The following ST18 variants were observed in gnomAD, a reference collection of about 807,000 sequenced individuals.
ST18 encodes the protein ST18 C2H2C-type zinc finger transcription factor, also known as suppression of tumorigenicity 18 protein.
ST18 carries 50 observed loss-of-function variants against 110.0 expected under a neutral mutation model. The observed-to-expected ratio is 0.45, with a 90% confidence interval of 0.36 to 0.58. The LOEUF is 0.58. Ranked by LOEUF, ST18 falls within the 20% of genes least tolerant of loss-of-function variation. The pLI, the probability that ST18 is intolerant of heterozygous loss-of-function variation, is 0.00. For synonymous variants in ST18, 461 were observed against 452.4 expected (o/e 1.02, Z -0.24); for missense variants, 1,306 against 1,280.1 (o/e 1.02, Z -0.31).
chr8:52,163,571 A>G (rs2062002568), intron 13 of ST18, among the ~76,000 whole-genome samples: 1 of 152,200 alleles, frequency 6.6e-6, no homozygotes, highest in South Asian at 2.1e-4. Context: ...GAACTGAAGG[A>G]TGAATATATA....
intron 17 of ST18, chr8:52,137,716 A>C (rs1563622185): frequency 2.2e-6 from 1 of 463,122 alleles, no homozygotes; most frequent in East Asian, 3.5e-5. Context: ...CTGTTTCAAC[A>C]TCACATTCGA....
chr8:52,122,534 G>A (rs2045356727), intron 23 of ST18, among the ~76,000 whole-genome samples: 1 of 152,128 alleles, frequency 6.6e-6, no homozygotes, highest in Non-Finnish European at 1.5e-5. Context: ...CCAGGCTGGA[G>A]TGCAGTGGCA....
chr8:52,396,162 A>C (rs1841048002), intron 2 of ST18, among the ~76,000 whole-genome samples: 1 of 152,196 alleles, frequency 6.6e-6, no homozygotes, highest in Non-Finnish European at 1.5e-5. Context: ...AGCAGTTAGA[A>C]ACTACTTATT....
In ST18 at chr8:52,172,589, G is replaced by A; in HGVS notation, c.278-6C>T. On this transcript the variant is annotated splice_region_variant and splice_polypyrimidine_tract_variant and intron_variant, in intron 9 of 25. Coordinates refer to ENST00000689386, the MANE Select transcript of ST18 (RefSeq NM_001352837.2). ...AGGTTTTATCATGATTTCCTCTATG[G>A]AAAAAGAAAACCAATATTTGAAGAG... 2.0e-6 allele frequency: 3 copies of A among 1,538,198 alleles called. No homozygotes were observed. Among genetic ancestry groups the A allele is most frequent in the East Asian group, 2.3e-5 (1 of 43,894 alleles).
intron 11 of ST18, among the ~76,000 whole-genome samples, 172 bp from the exon 12 acceptor site, chr8:52,165,397 AT>A (rs58660248): frequency 0.27 from 40,702 of 152,076 alleles, 7,628 homozygotes; most frequent in African/African-American, 0.54. Context: ...CAGAAATTAA[AT>A]CCAGCAAGCT....
intron 2 of ST18, among the ~76,000 whole-genome samples, chr8:52,379,132 T>TC (rs1236221437): frequency 6.7e-6 from 1 of 148,770 alleles, no homozygotes; most frequent in Non-Finnish European, 1.5e-5. Context: ...AGGGTCTTGC[T>TC]CTGTCACCCA....
intron 2 of ST18, among the ~76,000 whole-genome samples, chr8:52,368,044 T>G (rs1371441423): frequency 6.6e-6 from 1 of 152,200 alleles, no homozygotes; most frequent in East Asian, 1.9e-4. Context: ...TTTCTCTAGC[T>G]TAATAGGCTT....
At chr8:52,249,545 A>G (rs975491907) in intron 2 of ST18, 1 of 152,070 alleles carries the variant, frequency 6.6e-6, no homozygotes, top group African/African-American at 2.4e-5. Flanking sequence ...TTAACGACCA[A>G]TCTCATTAGC....
chr8:52,354,835 C>T (rs568984500), intron 2 of ST18, among the ~76,000 whole-genome samples: 4 of 152,198 alleles, frequency 2.6e-5, no homozygotes, highest in Non-Finnish European at 5.9e-5. Context: ...TTCAACAGCC[C>T]ACCTCTAATG....
intron 5 of ST18, among the ~76,000 whole-genome samples, chr8:52,219,445 T>C (rs527945640): frequency 7.9e-5 from 12 of 152,366 alleles, no homozygotes; most frequent in African/African-American, 2.2e-4. Flanking sequence ...AACATATTTA[T>C]AATTTTCAAA....
rs1243328787 is a variant in ST18, at chr8:52,409,406, C to G, written c.-543G>C. ...GTTCCAAAATGCTCTTATGCTATTT[C>G]TCTTAGGATTTCTCCACGCTGCCCC... is the stretch of plus-strand genomic sequence containing the variant. On this transcript the variant is annotated 5_prime_UTR_variant, in exon 2 of 26. Transcript: ENST00000689386. 1 of 152,172 alleles carries G rather than the reference C, an allele frequency of 6.6e-6. No homozygotes were observed. Among genetic ancestry groups the G allele is most frequent in the East Asian group, 1.9e-4 (1 of 5,198 alleles). The allele number at this position is 152,172 out of a possible 1,614,324, so 9.4% of individuals were successfully genotyped here.
chr8:52,330,758 A>G (rs1808900949), intron 2 of ST18, among the ~76,000 whole-genome samples: 1 of 152,208 alleles, frequency 6.6e-6, no homozygotes, highest in South Asian at 2.1e-4. Flanking sequence ...TTACGTGAAC[A>G]CTGTGTCTGG....
intron 2 of ST18, among the ~76,000 whole-genome samples, chr8:52,338,880 G>A (rs548105258): frequency 5.3e-4 from 80 of 152,090 alleles, no homozygotes; most frequent in African/African-American, 1.9e-3. Flanking sequence ...TGAGACTACA[G>A]GCACAAGCTA....
intron 17 of ST18, among the ~76,000 whole-genome samples, chr8:52,139,386 C>T (rs926746116): frequency 3.3e-5 from 5 of 151,862 alleles, no homozygotes; most frequent in Admixed American, 1.3e-4. Flanking sequence ...GACAGAGTCT[C>T]GCTTTGTCGC....
At position 52,185,702 on chromosome 8, in the gene ST18, C is replaced by T. The variant is rs534733020; in HGVS notation, c.87-5390G>A. The stretch of plus-strand genomic sequence containing the variant: ...GGTTGTTTCTTCAGTGAACAGTGCT[C>T]GATTAATTGGATATCTATCTGAAAA... On this transcript the variant is annotated intron_variant, in intron 8 of 25. Transcript: ENST00000689386. 1.4e-4 allele frequency among the ~76,000 whole-genome samples: 21 copies of T among 152,146 alleles called. No homozygotes were observed. In the South Asian group the frequency reaches 3.5e-3, roughly 26 times the overall value.
intron 2 of ST18, among the ~76,000 whole-genome samples, chr8:52,362,763 C>G (rs1826237111): frequency 6.6e-6 from 1 of 152,178 alleles, no homozygotes; most frequent in Admixed American, 6.5e-5. Flanking sequence ...TTTCTCCAGG[C>G]TATTCCTTCC....
intron 2 of ST18, among the ~76,000 whole-genome samples, chr8:52,343,846 C>T (rs1372705215): frequency 6.6e-6 from 1 of 152,134 alleles, no homozygotes; most frequent in Admixed American, 6.5e-5. Flanking sequence ...TATATTTTCA[C>T]TGGAAAGTAT....
intron 2 of ST18, among the ~76,000 whole-genome samples, chr8:52,274,401 T>C (rs62499809): frequency 0.21 from 31,319 of 152,112 alleles, 3,858 homozygotes; most frequent in Middle Eastern, 0.38. Context: ...TGTATATATG[T>C]AAAATATACA....
chr8:52,332,341 C>T (rs1219107039), intron 2 of ST18, among the ~76,000 whole-genome samples: 2 of 152,160 alleles, frequency 1.3e-5, no homozygotes, highest in East Asian at 3.9e-4. Flanking sequence ...ATGATCACAA[C>T]ATTTTCTCTA....
Sources: gnomAD v4.1 joint callset for allele counts (sites outside exome capture counted in the v4.1 genomes callset) on GRCh38, gnomAD v4.1.1 for gene constraint, MANE v1.5 for transcripts, NCBI Gene and HGNC (gene_info 2026-07-23, HGNC 2026-07-21) for gene names.